The following CYP4F22 variants were observed in gnomAD, a reference collection of about 807,000 sequenced individuals.
CYP4F22 encodes ultra-long-chain fatty acid omega-hydroxylase.
A neutral mutation model predicts 60.4 loss-of-function variants in CYP4F22; 37 were observed. The observed-to-expected ratio is 0.61, with a 90% CI of 0.47 to 0.81. The LOEUF (loss-of-function observed/expected upper bound fraction) is 0.81. Among genes scored for constraint, CYP4F22 ranks in the 30% least tolerant of loss-of-function variants. The pLI is 0.00. For missense variants in CYP4F22, 655 were observed against 715.0 expected, an observed-to-expected ratio of 0.92 and a Z score of 0.96; for synonymous variants, 258 against 280.5, an observed-to-expected ratio of 0.92 and a Z score of 0.80.
chr19:15,513,237 A>C (rs575199015), intron 1 of CYP4F22, among the ~76,000 whole-genome samples: 58 of 151,074 alleles, frequency 3.8e-4, no homozygotes, highest in Non-Finnish European at 6.8e-4. Context: ...GTGCAGTGGC[A>C]TGTTCTCGGC....
At chr19:15,551,242 G>T in intron 13 of CYP4F22, 52 bp from the exon 14 acceptor site, 3 of 1,581,422 alleles carry the variant, frequency 1.9e-6, no homozygotes, top group Middle Eastern at 1.7e-4. Context: ...GACCCCCGGG[G>T]ACCAGTGCTC....
At position 15,550,322 on chromosome 19, in the gene CYP4F22, C is replaced by A. The variant is rs527744389; in HGVS notation, c.1336-352C>A. Reference sequence around the variant, plus strand: ...AAACAAACAAAGACAGACAAACAAACAAAAAAAAAGAAAAACAGGTGGAGG... The same window carrying A: ...AAACAAACAAAGACAGACAAACAAAAAAAAAAAAAGAAAAACAGGTGGAGG... On this transcript the variant is annotated intron_variant, in intron 12 of 13. Coordinates refer to ENST00000269703, the MANE Select transcript of CYP4F22 (RefSeq NM_173483.4). Among the ~76,000 whole-genome samples, 653 of 150,432 alleles carry A rather than the reference C, an allele frequency of 4.3e-3. 9 individuals carry two copies. Among genetic ancestry groups the A allele is most frequent in the African/African-American group, 0.015 (635 of 41,000 alleles).
At position 15,517,481 on chromosome 19, in the gene CYP4F22, A is replaced by T. The variant is rs537615578; in HGVS notation, c.-108-6212A>T. ...CAGGGCTCCACAACTCCCCTCTCTC[A>T]CCCTCCCCAAGCACCCATCTCCCCA... On this transcript the variant is annotated intron_variant, in intron 1 of 13. Coordinates refer to ENST00000269703, the MANE Select transcript of CYP4F22 (RefSeq NM_173483.4). Among the ~76,000 whole-genome samples, 5 of 151,928 alleles carry T rather than the reference A, an allele frequency of 3.3e-5. No individual in the cohort carries two copies. In the East Asian group the frequency reaches 9.7e-4, roughly 29 times the overall value.
At chr19:15,538,437 G>C (rs1425637607) in intron 7 of CYP4F22, among the ~76,000 whole-genome samples, 1 of 152,190 alleles carries the variant, frequency 6.6e-6, no homozygotes, top group Non-Finnish European at 1.5e-5. Context: ...GCACATAGTT[G>C]ATGCTCAGAG....
At chr19:15,508,661 G>C (rs966793534) in intron 1 of CYP4F22, 78 bp downstream of exon 1, 1 of 152,470 alleles carries the variant, frequency 6.6e-6, no homozygotes, top group South Asian at 2.1e-4. Flanking sequence ...CGCGCGGTTC[G>C]GTGCTGGCGG....
chr19:15,541,161 C>T (rs1971458033), intron 8 of CYP4F22, among the ~76,000 whole-genome samples: 1 of 152,222 alleles, frequency 6.6e-6, no homozygotes. Flanking sequence ...ACATGTAAGA[C>T]TTACTGCGTG....
intron 4 of CYP4F22, among the ~76,000 whole-genome samples, chr19:15,530,435 C>T (rs1971330422): frequency 1.3e-5 from 2 of 152,196 alleles, no homozygotes; most frequent in Admixed American, 6.5e-5. Flanking sequence ...TATTCTCAGT[C>T]CTAACCCTTT....
chr19:15,531,221 T>C (rs1481604846), intron 4 of CYP4F22, among the ~76,000 whole-genome samples: 3 of 151,886 alleles, frequency 2.0e-5, no homozygotes, highest in East Asian at 1.9e-4. Flanking sequence ...TACAAAAGCA[T>C]TTAAAAATAT....
chr19:15,540,552 G>A lies in CYP4F22; in HGVS notation c.774G>A (p.Ser258=), dbSNP rs931039780. 9 of 1,614,086 alleles carry A rather than the reference G, an allele frequency of 5.6e-6. No homozygotes were observed. The highest frequency in any genetic ancestry group is 2.2e-5 in the East Asian group (1 of 44,886). Residue 258 remains serine (S), a synonymous_variant, in exon 8 of 14, where the codon TCG becomes TCA. Coordinates refer to ENST00000269703, the MANE Select transcript of CYP4F22 (RefSeq NM_173483.4). ...ACCTCGACTTCATTTACTACCGCTC[G>A]GCGGATGGGCGGAGGTTCCGGCAGG... is the stretch of plus-strand genomic sequence containing the variant. ...HHYLDFIYYR[S]ADGRRFRQAC... is the part of the protein sequence containing the mutation.
At chr19:15,531,972 G>T (rs375994564) in intron 4 of CYP4F22, among the ~76,000 whole-genome samples, 6 of 152,114 alleles carry the variant, frequency 3.9e-5, no homozygotes, top group South Asian at 4.2e-4. Context: ...CAGGTGTGGT[G>T]GTGCGTGCCT....
chr19:15,544,154 C>A lies in CYP4F22; in HGVS notation c.1011C>A (p.His337Gln). ...GATACCCTCATCTCCCTGCAGGTCA[C>A]GACACAACATCCAGTGGGATCTCTT... Reference protein sequence around the residue: ...AEADTFMFEGHDTTSSGISWM... With the variant: ...AEADTFMFEGQDTTSSGISWM... Residue 337 changes from histidine (H) to glutamine (Q), a missense_variant, in exon 10 of 14, where the codon CAC becomes CAA. His to Gln is a conservative substitution (Grantham distance 24). This residue lies in a region of CYP4F22 where 430 missense variants were observed against 457.1 expected (regional missense o/e 0.94). Coordinates refer to ENST00000269703, the MANE Select transcript of CYP4F22 (RefSeq NM_173483.4). The A allele has an allele frequency of 6.2e-7, 1 of 1,614,138 alleles. No homozygotes were observed. The highest frequency in any genetic ancestry group is 8.5e-7 in the Non-Finnish European group (1 of 1,180,046).
chr19:15,532,822 C>T (rs1971358320), intron 4 of CYP4F22, among the ~76,000 whole-genome samples: 1 of 152,176 alleles, frequency 6.6e-6, no homozygotes, highest in Non-Finnish European at 1.5e-5. Context: ...GATGCTTAAG[C>T]CTCTTGCCCT....
At chr19:15,510,966 A>ATTTTTTTT (rs1555726127) in intron 1 of CYP4F22, among the ~76,000 whole-genome samples, 11 of 103,332 alleles carry the variant, frequency 1.1e-4, no homozygotes, top group African/African-American at 4.6e-4. Flanking sequence ...ATATATATAT[A>ATTTTTTTT]TTTTTTTTTT....
chr19:15,551,434 T>TCTGGCTCAAGGTGGAGCCG lies in CYP4F22; in HGVS notation c.1563_1581dup (p.Pro528AlafsTer58). On this transcript the variant is annotated frameshift_variant, in exon 14 of 14. Transcript: ENST00000269703. LOFTEE classifies it high-confidence loss of function. ...CTCATACTGCGCACGGAGAACGGGC[T>TCTGGCTCAAGGTGGAGCCG]CTGGCTCAAGGTGGAGCCGCTGCCT... 1.3e-6 allele frequency: 2 copies of TCTGGCTCAAGGTGGAGCCG among 1,583,678 alleles called. No homozygotes were observed. The highest frequency in any genetic ancestry group is 2.3e-5 in the East Asian group (1 of 42,654).
In CYP4F22 at chr19:15,548,041, G is replaced by GTT. The variant is rs1555730222; in HGVS notation, c.1137-66_1137-65insTT. On this transcript the variant is annotated intron_variant, in intron 10 of 13. Transcript: ENST00000269703. ...TGTGTGTGTGTGTGTGTGTGTGTGT[G>GTT]TGTGTGTGTTTTGGGGAGGTGGTGC... is the stretch of plus-strand genomic sequence containing the variant. 1.7e-4 allele frequency: 227 copies of GTT among 1,348,564 alleles called. 1 individual carries two copies. The African/African-American group carries it at 3.1e-3, about 19-fold the overall frequency. The allele number at this position is 1,348,564 out of a possible 1,614,324, so 83.5% of individuals were successfully genotyped here.
chr19:15,534,457 A>T (rs895602476), intron 4 of CYP4F22, among the ~76,000 whole-genome samples: 2 of 150,126 alleles, frequency 1.3e-5, no homozygotes, highest in Non-Finnish European at 1.5e-5. Context: ...AGGCATTACC[A>T]TCTCTCCCTC....
chr19:15,538,158 T>C lies in CYP4F22; in HGVS notation c.671+165T>C, dbSNP rs150094148. On this transcript the variant is annotated intron_variant, in intron 7 of 13. Transcript: ENST00000269703. Reference sequence around the variant, plus strand: ...CTGACCATCTCTCTGAGCTTCACTTTTTTTTTTAATCAAAAAAATGGGCAT... The same window carrying C: ...CTGACCATCTCTCTGAGCTTCACTTCTTTTTTTAATCAAAAAAATGGGCAT... Among the ~76,000 whole-genome samples, 885 of 152,224 alleles carry C rather than the reference T, an allele frequency of 5.8e-3. 16 individuals carry two copies. The highest frequency in any genetic ancestry group is 0.043 in the Admixed American group (650 of 15,282).
intron 8 of CYP4F22, 115 bp downstream of exon 8, chr19:15,540,832 C>T (rs760226884): frequency 9.5e-5 from 130 of 1,370,936 alleles, no homozygotes; most frequent in Non-Finnish European, 1.3e-4. Context: ...CACGTGTAAT[C>T]CCAGCGCTTT....
intron 8 of CYP4F22, among the ~76,000 whole-genome samples, chr19:15,542,281 C>T (rs1971471613): frequency 6.6e-6 from 1 of 152,088 alleles, no homozygotes; most frequent in South Asian, 2.1e-4. Context: ...CCTGTAATCC[C>T]AGCACTTTGG....
Sources: gnomAD v4.1 joint callset for allele counts (sites outside exome capture counted in the v4.1 genomes callset) on GRCh38, gnomAD v4.1.1 for gene constraint, gnomAD v4.1.1 regional missense constraint, MANE v1.5 for transcripts, NCBI Gene and HGNC (gene_info 2026-07-23, HGNC 2026-07-21) for gene names.